The following ICOS variants were observed in gnomAD, a reference collection of about 807,000 sequenced individuals.
ICOS encodes the protein inducible T cell costimulator, also known as inducible T-cell costimulator.
A neutral mutation model predicts 24.6 loss-of-function variants in ICOS; 15 were observed. The ratio of observed to expected loss-of-function variants is 0.61; its 90% CI spans 0.41 to 0.94. The LOEUF is 0.94. Ranked by LOEUF, ICOS falls within the 40% of genes least tolerant of loss-of-function variation. The probability of loss-of-function intolerance (pLI) is 0.00; values close to 1 mark genes in which losing one functional copy is unlikely to be tolerated. For synonymous variants in ICOS, 89 were observed against 77.5 expected (o/e 1.15, Z -0.78); for missense variants, 200 against 233.0 (o/e 0.86, Z 0.92).
At chr2:203,957,682 A>G in intron 3 of ICOS, 117 bp from the exon 4 acceptor site, 3 of 777,148 alleles carry the variant, frequency 3.9e-6, no homozygotes, top group Non-Finnish European at 6.9e-6. Flanking sequence ...CCAGGAACCT[A>G]AGTCACATTA....
intron 2 of ICOS, 64 bp from the exon 3 acceptor site, chr2:203,956,595 A>G (rs1690081413): frequency 8.9e-7 from 1 of 1,121,666 alleles, no homozygotes; most frequent in African/African-American, 1.5e-5. Flanking sequence ...GCTCTTTTAA[A>G]TTTGGTAAGA....
intron 1 of ICOS, among the ~76,000 whole-genome samples, chr2:203,943,230 T>C (rs1226920760): frequency 1.3e-5 from 2 of 152,138 alleles, no homozygotes; most frequent in African/African-American, 4.8e-5. Context: ...TGAAGAGCCT[T>C]GTTTTGTCAT....
At chr2:203,942,754 A>C (rs1406609434) in intron 1 of ICOS, among the ~76,000 whole-genome samples, 1 of 152,188 alleles carries the variant, frequency 6.6e-6, no homozygotes, top group South Asian at 2.1e-4. Flanking sequence ...AAATCTCTTT[A>C]GCTCTGATGC....
chr2:203,946,333 G>A (rs372796745), intron 1 of ICOS, among the ~76,000 whole-genome samples: 17 of 151,828 alleles, frequency 1.1e-4, no homozygotes, highest in African/African-American at 4.1e-4. Context: ...GTTCCTTGGA[G>A]AGTAAAACAA....
chr2:203,943,823 C>T (rs528453097), intron 1 of ICOS, among the ~76,000 whole-genome samples: 1 of 152,016 alleles, frequency 6.6e-6, no homozygotes, highest in East Asian at 1.9e-4. Flanking sequence ...GCTGTGGCTG[C>T]TGTGGGGGAT....
At chr2:203,945,348 A>G (rs570077756) in intron 1 of ICOS, among the ~76,000 whole-genome samples, 1 of 152,286 alleles carries the variant, frequency 6.6e-6, no homozygotes, top group Non-Finnish European at 1.5e-5. Flanking sequence ...GATGATGAAA[A>G]TCAGAGAGAG....
intron 1 of ICOS, among the ~76,000 whole-genome samples, chr2:203,940,866 C>G (rs1278491921): frequency 6.6e-6 from 1 of 152,130 alleles, no homozygotes; most frequent in Non-Finnish European, 1.5e-5. Flanking sequence ...TTACTGCAAC[C>G]TCCACCTCCC....
intron 1 of ICOS, among the ~76,000 whole-genome samples, chr2:203,942,272 A>G (rs928259393): frequency 7.9e-5 from 12 of 152,266 alleles, no homozygotes; most frequent in African/African-American, 2.9e-4. Context: ...ACTCACAGTT[A>G]AAGTTCTGTT....
At position 203,955,759 on chromosome 2, in the gene ICOS, T is replaced by C; in HGVS notation, c.182T>C (p.Ile61Thr). 1 of 1,613,804 alleles carries C rather than the reference T, an allele frequency of 6.2e-7. No individual in the cohort carries two copies. Among genetic ancestry groups the C allele is most frequent in the Non-Finnish European group, 8.5e-7 (1 of 1,179,816 alleles). The change falls in exon 2 of 5, where the codon ATA (isoleucine) becomes ACA (threonine). Residue 61 changes from isoleucine (I) to threonine (T), a missense_variant. Physicochemically the swap from Ile to Thr is moderately conservative, Grantham distance 89. Transcript: ENST00000316386. ...FKMQLLKGGQ[I>T]LCDLTKTKGS... ...ATGCAGTTGCTGAAAGGGGGGCAAA[T>C]ACTCTGCGATCTCACTAAGACAAAA... is the stretch of plus-strand genomic sequence containing the variant.
rs377233367 is a variant in ICOS, at chr2:203,936,958, A to G, written c.58+86A>G. ...CAAAGGTAGAAAAATTACGCACCCA[A>G]AAGACAGTGGTTTTGGTTTTTGAAA... On this transcript the variant is annotated intron_variant, in intron 1 of 4. Transcript: ENST00000316386. The G allele has an allele frequency of 1.2e-5, 12 of 1,010,022 alleles. No homozygotes were observed. In the African/African-American group the frequency reaches 1.8e-4, roughly 15 times the overall value. The allele number at this position is 1,010,022 out of a possible 1,614,324, so 62.6% of individuals were successfully genotyped here.
chr2:203,953,360 A>G (rs1241860621), intron 1 of ICOS, among the ~76,000 whole-genome samples: 1 of 152,130 alleles, frequency 6.6e-6, no homozygotes, highest in African/African-American at 2.4e-5. Flanking sequence ...CCTTTGTGTC[A>G]TTCTTTAATG....
In ICOS at chr2:203,956,732, G is replaced by T; in HGVS notation, c.468G>T (p.Leu156Phe). 1 of 1,612,644 alleles carries T rather than the reference G, an allele frequency of 6.2e-7. No homozygotes were observed. Among genetic ancestry groups the T allele is most frequent in the Admixed American group, 1.7e-5 (1 of 59,980 alleles). ...GCAAFVVVCI[L>F]GCILICWLTK... ...CAGCCTTTGTTGTAGTCTGCATTTT[G>T]GGATGCATACTTATTTGTTGGCTTA... Residue 156 changes from leucine to phenylalanine, a missense_variant, in exon 3 of 5, where the codon TTG becomes TTT. Coordinates refer to ENST00000316386, the MANE Select transcript of ICOS (RefSeq NM_012092.4).
rs1690126953 is a variant in ICOS at position 203,959,167 on chromosome 2, C to G, written c.587-419C>G. Reference sequence around the variant, plus strand: ...TTGCCTGCGGAGGGCATTAGCTTTCCCTCATCTCTGAGCTGTGCCTCTACT... The same window carrying G: ...TTGCCTGCGGAGGGCATTAGCTTTCGCTCATCTCTGAGCTGTGCCTCTACT... On this transcript the variant is annotated intron_variant, in intron 4 of 4. Transcript: ENST00000316386. Among the ~76,000 whole-genome samples the G allele has an allele frequency of 2.6e-5, 4 of 152,206 alleles. No individual in the cohort carries two copies. In the South Asian group the frequency reaches 8.3e-4, roughly 32 times the overall value.
intron 1 of ICOS, among the ~76,000 whole-genome samples, chr2:203,943,966 G>A (rs1234492967): frequency 6.6e-6 from 1 of 152,114 alleles, no homozygotes; most frequent in African/African-American, 2.4e-5. Flanking sequence ...CCATGCAAAC[G>A]GAAGGGCTGG....
In ICOS at chr2:203,955,736, G is replaced by A; in HGVS notation, c.159G>A (p.Met53Ile). 6.2e-7 allele frequency: 1 copy of A among 1,613,386 alleles called. No homozygotes were observed. Among genetic ancestry groups the A allele is most frequent in the African/African-American group, 1.3e-5 (1 of 75,018 alleles). ...CTGACATTGTCCAGCAATTTAAAAT[G>A]CAGTTGCTGAAAGGGGGGCAAATAC... Reference protein sequence around the residue: ...KYPDIVQQFKMQLLKGGQILC... With the variant: ...KYPDIVQQFKIQLLKGGQILC... Residue 53 changes from methionine (M) to isoleucine (I), a missense_variant, in exon 2 of 5, where the codon ATG becomes ATA. By Grantham distance (10) the Met-to-Ile change is conservative. Transcript: ENST00000316386.
chr2:203,956,651 C>T lies in ICOS; in HGVS notation c.395-8C>T. On this transcript the variant is annotated splice_polypyrimidine_tract_variant and splice_region_variant and intron_variant, in intron 2 of 4. Coordinates refer to ENST00000316386, the MANE Select transcript of ICOS (RefSeq NM_012092.4). Reference sequence around the variant, plus strand: ...TTTTTCATTAACATACCTTTTTTTCCAATCCAGAATCACAACTTTGTTGCC... The same window carrying T: ...TTTTTCATTAACATACCTTTTTTTCTAATCCAGAATCACAACTTTGTTGCC... The T allele has an allele frequency of 6.2e-7, 1 of 1,603,334 alleles. No homozygotes were observed. Among genetic ancestry groups the T allele is most frequent in the South Asian group, 1.1e-5 (1 of 90,804 alleles).
Position 203,957,879 on chromosome 2 carries a change from C to T in ICOS, c.582C>T (p.Leu194=). The change falls in exon 4 of 5, where the codon CTC becomes CTT. Residue 194 remains leucine (L), a synonymous_variant. Transcript: ENST00000316386. The part of the protein sequence containing the change: ...RAVNTAKKSR[L]TDVTL Reference sequence around the variant, plus strand: ...TGAACACAGCCAAAAAATCTAGACTCACAGGTATGACTCCATTTGGGGGTT... The same window carrying T: ...TGAACACAGCCAAAAAATCTAGACTTACAGGTATGACTCCATTTGGGGGTT... 1.3e-6 allele frequency: 2 copies of T among 1,598,286 alleles called. No homozygotes were observed. Among genetic ancestry groups the T allele is most frequent in the Non-Finnish European group, 8.6e-7 (1 of 1,165,860 alleles).
At chr2:203,947,973 A>G (rs1264365099) in intron 1 of ICOS, among the ~76,000 whole-genome samples, 1 of 152,162 alleles carries the variant, frequency 6.6e-6, no homozygotes, top group East Asian at 1.9e-4. Flanking sequence ...TGTCCTGGTC[A>G]TATATTGGGC....
In ICOS at chr2:203,959,848, G is replaced by C; in HGVS notation, c.*249G>C. On this transcript the variant is annotated 3_prime_UTR_variant, in exon 5 of 5. Coordinates refer to ENST00000316386, the MANE Select transcript of ICOS (RefSeq NM_012092.4). Reference sequence around the variant, plus strand: ...CAGCTTTGGAGAAAGCCCAGCTCCTGTGTGCTCACTGGGAGTGGAATCCCT... The same window carrying C: ...CAGCTTTGGAGAAAGCCCAGCTCCTCTGTGCTCACTGGGAGTGGAATCCCT... The C allele has an allele frequency of 3.4e-6, 2 of 582,994 alleles. No individual in the cohort carries two copies. The highest frequency in any genetic ancestry group is 6.2e-6 in the Non-Finnish European group (2 of 322,424). The allele number at this position is 582,994 out of a possible 1,614,324, so 36.1% of individuals were successfully genotyped here. A position where few individuals can be genotyped will look rare whatever the true frequency, so the allele number is the denominator to read the frequency against.
Sources: gnomAD v4.1 joint callset for allele counts (sites outside exome capture counted in the v4.1 genomes callset) on GRCh38, gnomAD v4.1.1 for gene constraint, MANE v1.5 for transcripts, NCBI Gene and HGNC (gene_info 2026-07-23, HGNC 2026-07-21) for gene names.